The following MIR17HG variants were observed in gnomAD, a reference collection of about 807,000 sequenced individuals.
The protein encoded by MIR17HG is miR-17-92a-1 cluster host gene.
At chr13:91,348,843 C>G (rs1205488014) in intron 1 of MIR17HG, among the ~76,000 whole-genome samples, 1 of 149,496 alleles carries the variant, frequency 6.7e-6, no homozygotes, top group Non-Finnish European at 1.5e-5. Context: ...CGCGCCGCCG[C>G]CGATTGTTCC....
intron 3 of MIR17HG, among the ~76,000 whole-genome samples, chr13:91,352,930 G>GA (rs1255888672): frequency 6.6e-6 from 1 of 151,846 alleles, no homozygotes; most frequent in Non-Finnish European, 1.5e-5. Context: ...CCGACATGGT[G>GA]AAACGCTGTC....
chr13:91,349,659 A>G lies in MIR17HG; in HGVS notation n.141-39A>G, dbSNP rs1203576809. The stretch of plus-strand genomic sequence containing the variant: ...CGGTGGTAGTAATTTTGAGCAAATA[A>G]TGTTTTATCTTTTTTTTCCTTATTT... On this transcript the variant is annotated intron_variant and non_coding_transcript_variant, in intron 1 of 3. Coordinates refer to ENST00000400282, the Ensembl canonical transcript of MIR17HG. 8 of 152,190 alleles carry G rather than the reference A, an allele frequency of 5.3e-5. No individual in the cohort carries two copies. In the East Asian group the frequency reaches 1.5e-3, roughly 29 times the overall value. 9.4% of individuals were successfully genotyped at this position (152,190 alleles called of 1,614,324 possible).
upstream of MIR17HG, chr13:91,347,741 G>C (rs1875030892): frequency 6.6e-6 from 1 of 152,612 alleles, no homozygotes; most frequent in African/African-American, 2.4e-5. Flanking sequence ...CTGCGCCTTC[G>C]CGCCACTTCG....
chr13:91,351,020 G>T (rs766558356), intron 3 of MIR17HG: 11 of 528,486 alleles, frequency 2.1e-5, no homozygotes, highest in African/African-American at 1.9e-4. Context: ...TACTTTTATT[G>T]TGTCGATGTA....
chr13:91,349,137 C>T (rs1426178021), intron 1 of MIR17HG, among the ~76,000 whole-genome samples: 1 of 152,026 alleles, frequency 6.6e-6, no homozygotes, highest in African/African-American at 2.4e-5. Flanking sequence ...GCTGCCGGCC[C>T]GGGCTCCATG....
chr13:91,348,261 C>G (rs1307176516), intron 1 of MIR17HG, among the ~76,000 whole-genome samples: 2 of 149,828 alleles, frequency 1.3e-5, no homozygotes, highest in Non-Finnish European at 3.0e-5. Context: ...GACCCGAAGG[C>G]GGGTGGGCGG....
chr13:91,349,190 C>T (rs1052961725), intron 1 of MIR17HG, among the ~76,000 whole-genome samples: 1 of 152,124 alleles, frequency 6.6e-6, no homozygotes, highest in African/African-American at 2.4e-5. Context: ...CCTGCCCGGT[C>T]TTCTGTTCCT....
chr13:91,351,422 T>C (rs762035134), intron 3 of MIR17HG: 2 of 507,120 alleles, frequency 3.9e-6, no homozygotes, highest in East Asian at 1.1e-4. Flanking sequence ...TTTTGAAAAT[T>C]AAATATTACT....
intron 3 of MIR17HG, chr13:91,350,560 A>C (rs1399668040): frequency 3.8e-6 from 2 of 532,852 alleles, no homozygotes; most frequent in Non-Finnish European, 7.7e-6. Context: ...CAAATTTAGC[A>C]GGAAAAAAGA....
chr13:91,350,312 A>G (rs911450908), intron 3 of MIR17HG: 2 of 229,084 alleles, frequency 8.7e-6, no homozygotes, highest in African/African-American at 2.3e-5. Flanking sequence ...TTTTTTCTCT[A>G]TGTGTCAATC....
At chr13:91,351,446 T>G in intron 3 of MIR17HG, 2 of 498,646 alleles carry the variant, frequency 4.0e-6, no homozygotes, top group Admixed American at 2.0e-5. Flanking sequence ...GATTTCGACT[T>G]CCACTGTTAA....
chr13:91,349,071 C>T (rs900135570), intron 1 of MIR17HG, among the ~76,000 whole-genome samples: 16 of 151,874 alleles, frequency 1.1e-4, no homozygotes, highest in African/African-American at 3.4e-4. Context: ...TGACCCGCCG[C>T]CCCCTGGCGG....
chr13:91,354,419 A>G (rs1875472203), exon 4 of MIR17HG: 1 of 152,238 alleles, frequency 6.6e-6, no homozygotes, highest in Non-Finnish European at 1.5e-5. Context: ...TAATGTAAAC[A>G]CAGAGACAGA....
chr13:91,352,130 C>T (rs951768383), intron 3 of MIR17HG: 5 of 152,182 alleles, frequency 3.3e-5, no homozygotes, highest in African/African-American at 7.2e-5. Flanking sequence ...TCATTTATTT[C>T]TAAGTCTGTA....
chr13:91,351,416 G>T (rs1393139284), intron 3 of MIR17HG: 1 of 507,468 alleles, frequency 2.0e-6, no homozygotes, highest in African/African-American at 1.9e-5. Context: ...AGAAGATTTT[G>T]AAAATTAAAT....
exon 2 of MIR17HG, chr13:91,349,711 C>A (rs1875191604): frequency 6.6e-6 from 1 of 152,124 alleles, no homozygotes; most frequent in Non-Finnish European, 1.5e-5. Context: ...TACACGTGGA[C>A]CTAACTGCAC....
At chr13:91,350,691 C>G (rs774130932) in intron 3 of MIR17HG, 2 of 534,158 alleles carry the variant, frequency 3.7e-6, no homozygotes, top group Admixed American at 3.9e-5. Flanking sequence ...ATGGTGACAG[C>G]TGCCTCGGGA....
intron 3 of MIR17HG, among the ~76,000 whole-genome samples, chr13:91,352,962 T>A (rs1357979430): frequency 6.6e-6 from 1 of 151,688 alleles, no homozygotes; most frequent in Non-Finnish European, 1.5e-5. Context: ...TATAAAAAAT[T>A]AGCCGGGTGC....
chr13:91,348,110 C>T (rs1259893492), intron 1 of MIR17HG, among the ~76,000 whole-genome samples: 2 of 128,880 alleles, frequency 1.6e-5, no homozygotes, highest in Admixed American at 1.6e-4. Flanking sequence ...TTGGCCGCCC[C>T]GGCGTGTGGC....
Sources: gnomAD v4.1 joint callset for allele counts (sites outside exome capture counted in the v4.1 genomes callset) on GRCh38, gnomAD v4.1.1 for gene constraint, MANE v1.5 for transcripts, NCBI Gene and HGNC (gene_info 2026-07-23, HGNC 2026-07-21) for gene names.